BIN1: variants seen among roughly 807,000 people sequenced by gnomAD.
The protein encoded by BIN1 is myc box-dependent-interacting protein 1.
Under a neutral mutation model 82.0 loss-of-function variants are expected in BIN1, and 53 were observed. The ratio of observed to expected loss-of-function variants is 0.65; its 90% CI spans 0.52 to 0.81. BIN1 has a LOEUF of 0.81. Among genes scored for constraint, BIN1 ranks in the 40% least tolerant of loss-of-function variants. The pLI, the probability that BIN1 is intolerant of heterozygous loss-of-function variation, is 0.00. For synonymous variants in BIN1, 302 were observed against 328.0 expected (o/e 0.92, Z 0.86); for missense variants, 642 against 784.4 (o/e 0.82, Z 2.17).
chr2:127,087,270 G>A (rs981974843), intron 1 of BIN1, among the ~76,000 whole-genome samples: 2 of 152,180 alleles, frequency 1.3e-5, no homozygotes, highest in South Asian at 4.1e-4. Flanking sequence ...AGGGGGAGGG[G>A]AAGGAAGTTG....
At position 127,085,659 on chromosome 2, in the gene BIN1, G is replaced by A. The variant is rs150929797; in HGVS notation, c.85-8953C>T. Among the ~76,000 whole-genome samples the A allele has an allele frequency of 2.4e-3, 358 of 152,292 alleles. 3 individuals are homozygous for A. Among genetic ancestry groups the A allele is most frequent in the African/African-American group, 8.3e-3 (346 of 41,556 alleles). On this transcript the variant is annotated intron_variant, in intron 1 of 18. Transcript: ENST00000316724. ...GATGGGGAAACCAAGAGCGAGCCCA[G>A]GGTGGCCAGACGCACCCCCAGCAGG...
intron 9 of BIN1, 85 bp downstream of exon 9, chr2:127,063,486 A>G: frequency 7.2e-7 from 1 of 1,384,588 alleles, no homozygotes; most frequent in East Asian, 2.4e-5. Context: ...GGGAAGGAGG[A>G]GTTCAGGCTG....
At chr2:127,064,152 G>T in intron 7 of BIN1, 134 bp from the exon 8 acceptor site, 1 of 1,001,312 alleles carries the variant, frequency 1.0e-6, no homozygotes, top group African/African-American at 1.6e-5. Flanking sequence ...GACAGAGGCT[G>T]AACTGGATGT....
chr2:127,063,456 G>A (rs527758655), intron 9 of BIN1, 115 bp downstream of exon 9: 135 of 1,142,290 alleles, frequency 1.2e-4, no homozygotes, highest in Middle Eastern at 2.5e-4. Flanking sequence ...TGTGGTCACC[G>A]GTGTGTGCTG....
chr2:127,074,888 AGGC>A (rs1686392468), intron 2 of BIN1, among the ~76,000 whole-genome samples: 1 of 152,158 alleles, frequency 6.6e-6, no homozygotes, highest in Non-Finnish European at 1.5e-5. Flanking sequence ...TTTTTAGTAG[AGGC>A]GGGGTTTCAC....
chr2:127,097,405 G>A (rs1013467073), intron 1 of BIN1, among the ~76,000 whole-genome samples: 21 of 151,606 alleles, frequency 1.4e-4, no homozygotes, highest in Admixed American at 7.2e-4. Flanking sequence ...GCCCAGCAGC[G>A]TCACCCCTCC....
intron 2 of BIN1, among the ~76,000 whole-genome samples, chr2:127,076,157 G>A (rs988045530): frequency 6.6e-5 from 10 of 152,066 alleles, no homozygotes; most frequent in East Asian, 1.9e-4. Flanking sequence ...AGATGGCTGC[G>A]GATGCCTCCC....
intron 1 of BIN1, among the ~76,000 whole-genome samples, chr2:127,100,708 CCT>C (rs775323871): frequency 6.6e-6 from 1 of 152,222 alleles, no homozygotes; most frequent in Admixed American, 6.5e-5. Context: ...AGCCCTGACC[CCT>C]GTCAGCCCTT....
At chr2:127,103,504 C>A (rs1016459789) in intron 1 of BIN1, among the ~76,000 whole-genome samples, 2 of 152,166 alleles carry the variant, frequency 1.3e-5, no homozygotes, top group African/African-American at 2.4e-5. Flanking sequence ...CTCCAGCATG[C>A]TCAGGACCTG....
At chr2:127,073,279 A>T (rs1686152147) in intron 2 of BIN1, among the ~76,000 whole-genome samples, 1 of 152,210 alleles carries the variant, frequency 6.6e-6, no homozygotes, top group Non-Finnish European at 1.5e-5. Context: ...TCCGCAGGGC[A>T]GCGTCCAGGC....
intron 1 of BIN1, among the ~76,000 whole-genome samples, chr2:127,083,078 C>CTTTTTTTTTTTTT (rs112344101): frequency 7.0e-6 from 1 of 142,876 alleles, no homozygotes. Flanking sequence ...TTGCTTTTTT[C>CTTTTTTTTTTTTT]TTTTTTTTTT....
chr2:127,079,513 G>A (rs529272982), intron 1 of BIN1, among the ~76,000 whole-genome samples: 4 of 152,258 alleles, frequency 2.6e-5, no homozygotes, highest in African/African-American at 9.6e-5. Flanking sequence ...TCACAGACGC[G>A]CACACTCTAC....
At chr2:127,056,948 C>G (rs1683758576) in intron 12 of BIN1, among the ~76,000 whole-genome samples, 1 of 152,240 alleles carries the variant, frequency 6.6e-6, no homozygotes, top group African/African-American at 2.4e-5. Context: ...TCGGGAGAGA[C>G]CCAAGCCCCC....
rs748026377 is a variant in BIN1 at position 127,054,016 on chromosome 2, G to GGCA, written c.1132-7_1132-5dup. The GGCA allele has an allele frequency of 4.0e-5, 62 of 1,550,438 alleles. No homozygotes were observed. Among genetic ancestry groups the GGCA allele is most frequent in the East Asian group, 2.2e-4 (9 of 40,916 alleles). On this transcript the variant is annotated splice_region_variant and splice_polypyrimidine_tract_variant and intron_variant, in intron 12 of 18. Coordinates refer to ENST00000316724, the MANE Select transcript of BIN1 (RefSeq NM_139343.3). ...AGAAAGGCCCCGGGGCCTCAAACTT[G>GGCA]GCAGCAGCAGCAGCAGCAGAGGAGG...
intron 1 of BIN1, among the ~76,000 whole-genome samples, chr2:127,100,497 C>G (rs1458096993): frequency 2.0e-5 from 3 of 152,204 alleles, no homozygotes; most frequent in Non-Finnish European, 4.4e-5. Context: ...GGTAGAAGCC[C>G]AGACGGCCCA....
intron 2 of BIN1, among the ~76,000 whole-genome samples, chr2:127,071,223 G>A (rs569007256): frequency 1.3e-4 from 20 of 152,324 alleles, no homozygotes; most frequent in Admixed American, 4.6e-4. Flanking sequence ...AGGAGTATGG[G>A]CAAGGCAGGT....
chr2:127,077,754 A>T (rs1022461662), intron 1 of BIN1, among the ~76,000 whole-genome samples: 2 of 152,178 alleles, frequency 1.3e-5, no homozygotes, highest in Non-Finnish European at 2.9e-5. Context: ...AGGAGAGCAG[A>T]GGGGAAGACC....
rs368238742 is a variant in BIN1 at position 127,050,882 on chromosome 2, A to G, written c.1492T>C (p.Phe498Leu). The change falls in exon 17 of 19, where the codon TTC becomes CTC. Residue 498 changes from phenylalanine to leucine, a missense_variant. Transcript: ENST00000316724. ...SSLPAVVVET[F>L]PATVNGTVEG... ...ACGGTGCCATTCACAGTTGCTGGGA[A>G]GGTCTCCACCACGACAGCAGGAAGA... is the stretch of plus-strand genomic sequence containing the variant. 6.8e-5 allele frequency: 110 copies of G among 1,613,850 alleles called. No individual in the cohort carries two copies. The highest frequency in any genetic ancestry group is 9.2e-5 in the Non-Finnish European group (108 of 1,180,022).
chr2:127,076,753 A>G, intron 1 of BIN1, 47 bp from the exon 2 acceptor site: 8 of 1,609,534 alleles, frequency 5.0e-6, no homozygotes, highest in Non-Finnish European at 6.8e-6. Flanking sequence ...TGGAAAGGAG[A>G]GTGGTCAAAC....
Sources: allele counts gnomAD v4.1 joint callset (sites outside exome capture counted in the v4.1 genomes callset), GRCh38; gene constraint gnomAD v4.1.1; transcripts MANE v1.5; gene names NCBI Gene and HGNC (gene_info 2026-07-23, HGNC 2026-07-21).